ALK: variants seen among roughly 807,000 people sequenced by gnomAD.
The protein encoded by ALK is ALK tyrosine kinase receptor.
Under a neutral mutation model 163.1 loss-of-function variants are expected in ALK, and 74 were observed. That is an observed-to-expected ratio of 0.45 (90% CI 0.38 to 0.55). ALK has a LOEUF of 0.55. Among genes scored for constraint, ALK ranks in the 20% least tolerant of loss-of-function variants. ALK has a pLI of 0.00. For synonymous variants in ALK, 960 were observed against 843.2 expected (o/e 1.14, Z -2.40); for missense variants, 2,063 against 2,105.3 (o/e 0.98, Z 0.39).
intron 3 of ALK, among the ~76,000 whole-genome samples, chr2:29,683,798 A>G (rs1678152464): frequency 6.6e-6 from 1 of 152,192 alleles, no homozygotes; most frequent in African/African-American, 2.4e-5. Context: ...ACAGAGCAGC[A>G]CCACTTGCTT....
intron 5 of ALK, among the ~76,000 whole-genome samples, chr2:29,379,740 G>A (rs1440909222): frequency 2.0e-5 from 3 of 152,204 alleles, no homozygotes; most frequent in Non-Finnish European, 2.9e-5. Context: ...ATCTGGCAAC[G>A]TGTGGAAGAT....
chr2:29,588,117 GACTGTGTCCGTTT>G (rs1674939474), intron 3 of ALK, among the ~76,000 whole-genome samples: 1 of 152,152 alleles, frequency 6.6e-6, no homozygotes, highest in African/African-American at 2.4e-5. Context: ...GCTTTTCTGG[GACTGTGTCCGTTT>G]ATGCAGTGAC....
At chr2:29,692,790 C>T (rs1004135835) in intron 3 of ALK, among the ~76,000 whole-genome samples, 1 of 152,056 alleles carries the variant, frequency 6.6e-6, no homozygotes, top group Non-Finnish European at 1.5e-5. Context: ...GAGAGATGTA[C>T]AAAAATGTTT....
chr2:29,812,063 A>G (rs915184706), intron 1 of ALK, among the ~76,000 whole-genome samples: 21 of 152,182 alleles, frequency 1.4e-4, no homozygotes, highest in African/African-American at 4.3e-4. Context: ...GTGCCTATCA[A>G]GTGTTACCTA....
intron 3 of ALK, among the ~76,000 whole-genome samples, chr2:29,551,210 G>A (rs2148175166): frequency 6.6e-6 from 1 of 152,156 alleles, no homozygotes; most frequent in Non-Finnish European, 1.5e-5. Flanking sequence ...AAGTTTCCCA[G>A]CATTATTTAC....
intron 1 of ALK, among the ~76,000 whole-genome samples, chr2:29,774,880 C>T (rs193071557): frequency 1.5e-4 from 23 of 152,150 alleles, no homozygotes; most frequent in Admixed American, 1.4e-3. Context: ...CAAACTTCAC[C>T]GAAGAGTTAC....
chr2:29,392,637 C>G (rs1359674878), intron 4 of ALK, among the ~76,000 whole-genome samples: 1 of 152,116 alleles, frequency 6.6e-6, no homozygotes, highest in Non-Finnish European at 1.5e-5. Context: ...GTGTACCAGG[C>G]CAGAAGGTAG....
chr2:29,654,446 C>T (rs1677122016), intron 3 of ALK, among the ~76,000 whole-genome samples: 1 of 152,062 alleles, frequency 6.6e-6, no homozygotes, highest in Admixed American at 6.5e-5. Context: ...AGCATGCCTT[C>T]CAGTAATTAT....
At chr2:29,399,328 G>A (rs1453852417) in intron 4 of ALK, among the ~76,000 whole-genome samples, 1 of 152,204 alleles carries the variant, frequency 6.6e-6, no homozygotes, top group Non-Finnish European at 1.5e-5. Context: ...CACAGCAAGG[G>A]TGAGTCCTTG....
At chr2:29,621,612 C>A (rs78192025) in intron 3 of ALK, among the ~76,000 whole-genome samples, 127 of 152,360 alleles carry the variant, frequency 8.3e-4, no homozygotes, top group Middle Eastern at 3.4e-3. Context: ...GACGTCTCAT[C>A]ATGTGGGACC....
At chr2:29,316,105 G>A (rs1666827715) in intron 8 of ALK, among the ~76,000 whole-genome samples, 1 of 152,176 alleles carries the variant, frequency 6.6e-6, no homozygotes. Context: ...CGCCCGGGAG[G>A]AGGAAATCAA....
intron 8 of ALK, among the ~76,000 whole-genome samples, chr2:29,307,033 G>GA (rs1448960614): frequency 1.1e-4 from 16 of 152,226 alleles, no homozygotes; most frequent in African/African-American, 3.9e-4. Flanking sequence ...TGTAAAGCCG[G>GA]AACGGCATTG....
At chr2:29,252,185 G>A (rs572354845) in intron 11 of ALK, among the ~76,000 whole-genome samples, 30 of 45,514 alleles carry the variant, frequency 6.6e-4, no homozygotes, top group African/African-American at 8.8e-4. Flanking sequence ...CCCACCCCCC[G>A]CGGGCCATTT....
At chr2:29,225,019 G>A (rs188839584) in intron 19 of ALK, among the ~76,000 whole-genome samples, 3 of 152,308 alleles carry the variant, frequency 2.0e-5, no homozygotes, top group East Asian at 3.9e-4. Flanking sequence ...CTCAGAAACC[G>A]ATTTTCCTAT....
intron 5 of ALK, among the ~76,000 whole-genome samples, chr2:29,339,336 G>A (rs1461613525): frequency 6.6e-6 from 1 of 152,160 alleles, no homozygotes; most frequent in Non-Finnish European, 1.5e-5. Flanking sequence ...AAAGGCTGTG[G>A]AGGAGCGGAA....
intron 1 of ALK, among the ~76,000 whole-genome samples, chr2:29,888,957 C>T (rs980734828): frequency 6.6e-6 from 1 of 152,098 alleles, no homozygotes; most frequent in African/African-American, 2.4e-5. Flanking sequence ...TAAGTGAAGT[C>T]CTAAGGGGAA....
At chr2:29,346,757 C>T (rs910072164) in intron 5 of ALK, among the ~76,000 whole-genome samples, 1 of 152,172 alleles carries the variant, frequency 6.6e-6, no homozygotes, top group Non-Finnish European at 1.5e-5. Flanking sequence ...GTAGATTATT[C>T]ACTGCGTCCA....
chr2:29,831,305 GA>G (rs1665413504), intron 1 of ALK, among the ~76,000 whole-genome samples: 2 of 137,606 alleles, frequency 1.5e-5, no homozygotes, highest in African/African-American at 5.1e-5. Flanking sequence ...AGAAGAAGAA[GA>G]AGAAGAAGAA....
intron 1 of ALK, among the ~76,000 whole-genome samples, chr2:29,847,764 A>G (rs921968582): frequency 2.6e-5 from 4 of 152,226 alleles, no homozygotes; most frequent in South Asian, 2.1e-4. Flanking sequence ...ACTGTGCTCA[A>G]TGATGAAAAC....
Sources: gnomAD v4.1 joint callset for allele counts (sites outside exome capture counted in the v4.1 genomes callset) on GRCh38, gnomAD v4.1.1 for gene constraint, MANE v1.5 for transcripts, NCBI Gene and HGNC (gene_info 2026-07-23, HGNC 2026-07-21) for gene names.